SYNE1: variants seen among roughly 807,000 people sequenced by gnomAD.
The protein encoded by SYNE1 is nesprin-1.
Under a neutral mutation model 1,111.0 loss-of-function variants are expected in SYNE1, and 616 were observed. The observed-to-expected ratio is 0.55, with a 90% confidence interval of 0.52 to 0.59. The LOEUF is 0.59. Ranked by LOEUF, SYNE1 falls within the 20% of genes least tolerant of loss-of-function variation. SYNE1 has a pLI of 0.00. For synonymous variants in SYNE1, 3,855 were observed against 3,825.8 expected (o/e 1.01, Z -0.28); for missense variants, 10,006 against 10,417.0 (o/e 0.96, Z 1.72).
chr6:152,168,442 A>G (rs2064223555), intron 130 of SYNE1: 1 of 493,770 alleles, frequency 2.0e-6, no homozygotes, highest in African/African-American at 1.9e-5. Flanking sequence ...CCACGAGTGT[A>G]AGAAGGGGAA....
Position 152,391,579 on chromosome 6 carries a change from G to GCAAAA in SYNE1, c.7713-12_7713-11insTTTTG. ...TTATCAAGAGACTCTCTGAAAAAAAGGAAAAAAAAAAAAAAGAAAAAAAAT... is the reference window on the plus strand; with the variant it reads ...TTATCAAGAGACTCTCTGAAAAAAAGCAAAAGAAAAAAAAAAAAAAGAAAAAAAAT... On this transcript the variant is annotated splice_polypyrimidine_tract_variant and intron_variant, in intron 51 of 145. Coordinates refer to ENST00000367255, the MANE Select transcript of SYNE1 (RefSeq NM_182961.4). 3 of 855,114 alleles carry GCAAAA rather than the reference G, an allele frequency of 3.5e-6. No individual in the cohort carries two copies. Among genetic ancestry groups the GCAAAA allele is most frequent in the East Asian group, 1.0e-4 (2 of 19,156 alleles). 53.0% of individuals were successfully genotyped at this position (855,114 alleles called of 1,614,324 possible). A position where few individuals can be genotyped will look rare whatever the true frequency, so the allele number is the denominator to read the frequency against.
At chr6:152,344,679 T>C (rs2096600080) in intron 73 of SYNE1, among the ~76,000 whole-genome samples, 1 of 152,204 alleles carries the variant, frequency 6.6e-6, no homozygotes, top group Non-Finnish European at 1.5e-5. Flanking sequence ...GAGATGCTTC[T>C]GCAATAGAGA....
At chr6:152,602,971 T>C (rs769531849) in intron 3 of SYNE1, among the ~76,000 whole-genome samples, 1 of 151,906 alleles carries the variant, frequency 6.6e-6, no homozygotes, top group African/African-American at 2.4e-5. Flanking sequence ...GCCATACCCA[T>C]AAAATGAAGA....
At chr6:152,227,258 T>C (rs1213129976) in intron 115 of SYNE1, among the ~76,000 whole-genome samples, 2 of 152,170 alleles carry the variant, frequency 1.3e-5, no homozygotes, top group Non-Finnish European at 1.5e-5. Context: ...GAGATAAAAT[T>C]AGGTAAATAT....
Position 152,387,277 on chromosome 6 carries a change from T to A in SYNE1, c.8282A>T (p.Gln2761Leu). The change falls in exon 54 of 146, where the codon CAA (glutamine) becomes CTA (leucine). Residue 2761 changes from glutamine to leucine, a missense_variant. Around this residue, in one of 7 missense-constraint regions of SYNE1, gnomAD observed 4,955 missense variants for 5,017.2 expected, o/e 0.99. Transcript: ENST00000367255. ...CTTCTCTTTCAGACCTGGCTGTGGT[T>A]GTAAGGGATGTTCTATTTTTTGATC... is the stretch of plus-strand genomic sequence containing the variant. ...SVDQKIEHPLQPQPGLKEKFV... is the reference protein window; with the variant it reads ...SVDQKIEHPLLPQPGLKEKFV... 1 of 1,614,190 alleles carries A rather than the reference T, an allele frequency of 6.2e-7. No homozygotes were observed. The highest frequency in any genetic ancestry group is 8.5e-7 in the Non-Finnish European group (1 of 1,180,026).
chr6:152,516,047 C>T (rs193204849), intron 6 of SYNE1, among the ~76,000 whole-genome samples: 5 of 152,184 alleles, frequency 3.3e-5, no homozygotes, highest in Admixed American at 1.3e-4. Context: ...AGATCAAAGA[C>T]AAATTTCTAA....
chr6:152,312,770 G>A (rs1333199304), intron 87 of SYNE1, among the ~76,000 whole-genome samples: 1 of 151,840 alleles, frequency 6.6e-6, no homozygotes, highest in African/African-American at 2.4e-5. Flanking sequence ...AGAGTTAACT[G>A]CTGATACATT....
intron 95 of SYNE1, among the ~76,000 whole-genome samples, chr6:152,289,945 T>A (rs1419672843): frequency 1.5e-5 from 2 of 131,042 alleles, no homozygotes; most frequent in East Asian, 2.6e-4. Flanking sequence ...TTTTTTTTTT[T>A]AAGCCTACAG....
At chr6:152,447,049 CTAGATGT>C (rs1379570550) in intron 29 of SYNE1, among the ~76,000 whole-genome samples, 1 of 152,068 alleles carries the variant, frequency 6.6e-6, no homozygotes. Context: ...AAATCAAGAC[CTAGATGT>C]TACGTAAGTT....
rs1272682826 is a variant in SYNE1 at position 152,136,704 on chromosome 6, A to G, written c.25573T>C (p.Ser8525Pro). 2 of 1,614,246 alleles carry G rather than the reference A, an allele frequency of 1.2e-6. No individual in the cohort carries two copies. Among genetic ancestry groups the G allele is most frequent in the East Asian group, 2.2e-5 (1 of 44,878 alleles). ...CGGTCCCAGCGCCCATTCATCTGCGACAAGCGATCCTGCAGGTCCCGGCTC... is the reference window on the plus strand; with the variant it reads ...CGGTCCCAGCGCCCATTCATCTGCGGCAAGCGATCCTGCAGGTCCCGGCTC... ...KESRDLQDRL[S>P]QMNGRWDRVC... is the part of the protein sequence containing the mutation. The change falls in exon 141 of 146, where the codon TCG (serine) becomes CCG (proline). Residue 8525 changes from serine (S) to proline (P), a missense_variant. Ser to Pro is a moderately conservative substitution (Grantham distance 74). Around this residue, in one of 7 missense-constraint regions of SYNE1, gnomAD observed 761 missense variants for 795.5 expected, o/e 0.96. Coordinates refer to ENST00000367255, the MANE Select transcript of SYNE1 (RefSeq NM_182961.4).
rs374136084 is a variant in SYNE1 at position 152,291,432 on chromosome 6, C to T, written c.18012+2156G>A. Among the ~76,000 whole-genome samples, 320 of 152,056 alleles carry T rather than the reference C, an allele frequency of 2.1e-3. 3 individuals carry two copies. The highest frequency in any genetic ancestry group is 7.2e-3 in the African/African-American group (297 of 41,468). ...AGGGAAAAAAAGTCATGTGGTTGGC[C>T]TTAATGACAAGAAAAGTCACAGATT... On this transcript the variant is annotated intron_variant, in intron 95 of 145. Transcript: ENST00000367255.
chr6:152,499,849 T>A (rs935770084), intron 10 of SYNE1, among the ~76,000 whole-genome samples: 7 of 152,204 alleles, frequency 4.6e-5, no homozygotes, highest in African/African-American at 1.4e-4. Context: ...ATAGAGGGAA[T>A]TTTTTTAACG....
chr6:152,141,384 G>A, intron 138 of SYNE1, 55 bp from the exon 139 acceptor site: 1 of 1,608,902 alleles, frequency 6.2e-7, no homozygotes, highest in Non-Finnish European at 8.5e-7. Flanking sequence ...GAGTGCAAAA[G>A]CTTCCGGGGA....
intron 126 of SYNE1, 66 bp downstream of exon 126, chr6:152,206,102 C>T (rs2076454349): frequency 2.1e-6 from 3 of 1,430,332 alleles, no homozygotes; most frequent in African/African-American, 1.4e-5. Flanking sequence ...TGTAGAATAA[C>T]AATGGGAGGA....
chr6:152,309,712 C>T, intron 90 of SYNE1, 123 bp downstream of exon 90: 2 of 1,301,142 alleles, frequency 1.5e-6, no homozygotes, highest in Non-Finnish European at 2.2e-6. Context: ...TTTATAAAAC[C>T]ACAACAGCCT....
chr6:152,392,715 T>A (rs1007727820), intron 51 of SYNE1, among the ~76,000 whole-genome samples: 3 of 151,414 alleles, frequency 2.0e-5, no homozygotes. Context: ...TAAAAACACC[T>A]ACTCTAAAAG....
At chr6:152,392,710 A>G (rs2097664960) in intron 51 of SYNE1, among the ~76,000 whole-genome samples, 1 of 150,102 alleles carries the variant, frequency 6.7e-6, no homozygotes, top group Admixed American at 6.6e-5. Flanking sequence ...TAAAATAAAA[A>G]CACCTACTCT....
chr6:152,544,773 C>G (rs145223186), intron 3 of SYNE1, among the ~76,000 whole-genome samples: 4 of 152,136 alleles, frequency 2.6e-5, no homozygotes, highest in African/African-American at 9.7e-5. Context: ...TAGTCACCTG[C>G]GGGTACTGCA....
At chr6:152,266,094 T>G (rs2092674033) in intron 100 of SYNE1, among the ~76,000 whole-genome samples, 1 of 152,126 alleles carries the variant, frequency 6.6e-6, no homozygotes, top group Non-Finnish European at 1.5e-5. Flanking sequence ...TCTTAAAAAT[T>G]TGTGTAAAAG....
Sources: gnomAD v4.1 joint callset for allele counts (sites outside exome capture counted in the v4.1 genomes callset) on GRCh38, gnomAD v4.1.1 for gene constraint, gnomAD v4.1.1 regional missense constraint, MANE v1.5 for transcripts, NCBI Gene and HGNC (gene_info 2026-07-23, HGNC 2026-07-21) for gene names.